Variants in ZC3H13 observed in about 807,000 individuals in gnomAD.
ZC3H13 encodes zinc finger CCCH-type containing 13, also known as zinc finger CCCH domain-containing protein 13.
A neutral mutation model predicts 204.1 loss-of-function variants in ZC3H13; 64 were observed. The observed-to-expected ratio is 0.31, with a 90% CI of 0.26 to 0.39. The LOEUF (loss-of-function observed/expected upper bound fraction) is 0.39. Among genes scored for constraint, ZC3H13 ranks in the 10% least tolerant of loss-of-function variants. The pLI, the probability that ZC3H13 is intolerant of heterozygous loss-of-function variation, is 1.00. For missense variants in ZC3H13, 1,833 were observed against 2,082.7 expected, an observed-to-expected ratio of 0.88 and a Z score of 2.33; for synonymous variants, 667 against 693.7, an observed-to-expected ratio of 0.96 and a Z score of 0.60.
At chr13:46,023,805 C>T (rs1289228261) in intron 4 of ZC3H13, among the ~76,000 whole-genome samples, 1 of 152,156 alleles carries the variant, frequency 6.6e-6, no homozygotes, top group East Asian at 1.9e-4. Context: ...TTTATCACAG[C>T]TCCGCTCTGC....
chr13:46,039,791 C>T (rs146989964), intron 4 of ZC3H13, among the ~76,000 whole-genome samples: 26 of 152,326 alleles, frequency 1.7e-4, no homozygotes, highest in Admixed American at 1.1e-3. Context: ...TTATAATATA[C>T]ATAACGGGAA....
chr13:46,048,580 C>CAAAAAAA (rs56753264), intron 1 of ZC3H13, among the ~76,000 whole-genome samples: 3 of 38,658 alleles, frequency 7.8e-5, no homozygotes, highest in Non-Finnish European at 8.6e-5. Flanking sequence ...GACTCCGCCT[C>CAAAAAAA]AAAAAAAAAA....
chr13:46,013,154 G>A (rs1387633811), intron 5 of ZC3H13, among the ~76,000 whole-genome samples: 6 of 152,162 alleles, frequency 3.9e-5, no homozygotes, highest in African/African-American at 7.2e-5. Flanking sequence ...AGTGGCTCAC[G>A]CCTGTAAGCT....
At chr13:45,991,809 A>T (rs571983786) in intron 8 of ZC3H13, among the ~76,000 whole-genome samples, 20 of 152,166 alleles carry the variant, frequency 1.3e-4, no homozygotes, top group Non-Finnish European at 1.9e-4. Context: ...TTCCAATCAA[A>T]CACTTTTTAG....
chr13:45,979,370 C>A (rs1056922295), intron 11 of ZC3H13, among the ~76,000 whole-genome samples: 1 of 152,054 alleles, frequency 6.6e-6, no homozygotes, highest in African/African-American at 2.4e-5. Flanking sequence ...AAACAATCCC[C>A]AGCCCTATCA....
intron 4 of ZC3H13, among the ~76,000 whole-genome samples, chr13:46,035,789 T>C (rs1384764071): frequency 1.3e-5 from 2 of 152,230 alleles, no homozygotes; most frequent in Non-Finnish European, 2.9e-5. Flanking sequence ...CTGGGGCAGG[T>C]ACATCTATCC....
intron 6 of ZC3H13, among the ~76,000 whole-genome samples, chr13:46,010,745 A>C (rs1017896222): frequency 6.6e-6 from 1 of 151,822 alleles, no homozygotes; most frequent in Admixed American, 6.6e-5. Flanking sequence ...ACAAAAAAAA[A>C]AAAGCCAGGC....
At chr13:46,048,299 C>T (rs1222512939) in intron 1 of ZC3H13, among the ~76,000 whole-genome samples, 2 of 152,138 alleles carry the variant, frequency 1.3e-5, no homozygotes, top group South Asian at 2.1e-4. Flanking sequence ...AAGATTTCGC[C>T]GGGCGCGGTG....
chr13:46,034,449 C>T (rs565531242), intron 4 of ZC3H13, among the ~76,000 whole-genome samples: 1 of 152,086 alleles, frequency 6.6e-6, no homozygotes, highest in South Asian at 2.1e-4. Context: ...CATGAATCAG[C>T]AATAAAAGGA....
chr13:45,998,812 C>G (rs1054848543), intron 8 of ZC3H13, among the ~76,000 whole-genome samples: 1 of 152,038 alleles, frequency 6.6e-6, no homozygotes, highest in South Asian at 2.1e-4. Context: ...TTGCAAAAGG[C>G]TGGGGAGGCT....
At chr13:46,030,668 G>GT (rs898659296) in intron 4 of ZC3H13, among the ~76,000 whole-genome samples, 4 of 151,896 alleles carry the variant, frequency 2.6e-5, no homozygotes, top group African/African-American at 9.7e-5. Context: ...ATATACAACG[G>GT]TAAGTGGAAT....
At chr13:46,013,757 ATTG>A (rs998043828) in intron 5 of ZC3H13, among the ~76,000 whole-genome samples, 14 of 152,230 alleles carry the variant, frequency 9.2e-5, no homozygotes, top group Admixed American at 7.2e-4. Context: ...CACATAAATG[ATTG>A]TTAAGTCATC....
intron 7 of ZC3H13, among the ~76,000 whole-genome samples, chr13:46,005,763 C>T (rs1198472592): frequency 6.6e-6 from 1 of 152,098 alleles, no homozygotes; most frequent in African/African-American, 2.4e-5. Context: ...CTGTCCTATT[C>T]TATGATTTTC....
chr13:45,975,845 T>C lies in ZC3H13; in HGVS notation c.1913-7A>G. On this transcript the variant is annotated splice_region_variant and splice_polypyrimidine_tract_variant and intron_variant, in intron 11 of 18. Coordinates refer to ENST00000679008, the MANE Select transcript of ZC3H13 (RefSeq NM_001330564.2). ...GGTGAGCTTGGTCTTTGATCTACAA[T>C]GAAAATCAAGTTTTGTCAGTGATTA... The C allele has an allele frequency of 6.2e-7, 1 of 1,605,272 alleles. No homozygotes were observed.
intron 8 of ZC3H13, among the ~76,000 whole-genome samples, chr13:45,997,892 T>TAC (rs1334178101): frequency 2.0e-5 from 3 of 151,530 alleles, no homozygotes; most frequent in East Asian, 1.9e-4. Context: ...AACACACACA[T>TAC]ACACACACAC....
At chr13:45,978,759 A>G (rs1350134779) in intron 11 of ZC3H13, among the ~76,000 whole-genome samples, 1 of 152,062 alleles carries the variant, frequency 6.6e-6, no homozygotes, top group East Asian at 1.9e-4. Flanking sequence ...TTTAAAAAAA[A>G]GCATCACCAG....
chr13:45,971,966 C>T (rs1281523584), intron 12 of ZC3H13, among the ~76,000 whole-genome samples: 2 of 151,920 alleles, frequency 1.3e-5, no homozygotes, highest in African/African-American at 2.4e-5. Context: ...CCACCTTACT[C>T]CTACAAAAAT....
rs148415761 is a variant in ZC3H13, at chr13:45,962,337, A to G, written c.4675+1505T>C. ...GTTTAGGTTAAGTCATCAATAAGTA[A>G]GGGCCGAACTGTATTTCATGGGTAG... On this transcript the variant is annotated intron_variant, in intron 17 of 18. Coordinates refer to ENST00000679008, the MANE Select transcript of ZC3H13 (RefSeq NM_001330564.2). The G allele has an allele frequency of 2.0e-4, 193 of 985,446 alleles. 1 individual carries two copies. The East Asian group carries it at 0.013, about 67-fold the overall frequency. The allele number at this position is 985,446 out of a possible 1,614,324, so 61.0% of individuals were successfully genotyped here. A position where few individuals can be genotyped will look rare whatever the true frequency, so the allele number is the denominator to read the frequency against.
At chr13:46,023,330 T>C (rs997391057) in intron 4 of ZC3H13, among the ~76,000 whole-genome samples, 1 of 152,214 alleles carries the variant, frequency 6.6e-6, no homozygotes, top group Non-Finnish European at 1.5e-5. Context: ...TTATTTCTTA[T>C]GCCCATTGCA....
Sources: allele counts gnomAD v4.1 joint callset (sites outside exome capture counted in the v4.1 genomes callset), GRCh38; gene constraint gnomAD v4.1.1; transcripts MANE v1.5; gene names NCBI Gene and HGNC (gene_info 2026-07-23, HGNC 2026-07-21).